Variants in PCDH10 observed in about 807,000 individuals in gnomAD.
PCDH10 encodes protocadherin-10.
Under a neutral mutation model 74.4 loss-of-function variants are expected in PCDH10, and 15 were observed. That is an observed-to-expected ratio of 0.20 (90% CI 0.13 to 0.31). The LOEUF (loss-of-function observed/expected upper bound fraction) is 0.31. Ranked by LOEUF, PCDH10 falls within the 10% of genes least tolerant of loss-of-function variation. PCDH10 has a pLI of 1.00. For missense variants in PCDH10, 1,260 were observed against 1,390.2 expected, an observed-to-expected ratio of 0.91 and a Z score of 1.49; for synonymous variants, 619 against 589.8, an observed-to-expected ratio of 1.05 and a Z score of -0.72.
chr4:133,152,678 G>C lies in PCDH10; in HGVS notation c.2538G>C (p.Thr846=), dbSNP rs777721022. ...FLKPCSPSRS[T]DTEHNPCGAI... ...AGCCCTGCAGCCCTTCGCGGAGTAC[G>C]GACACTGAGCACAACCCCTGCGGGG... Residue 846 remains threonine, a synonymous_variant, in exon 1 of 5, where the codon ACG becomes ACC. Transcript: ENST00000264360. 1.2e-6 allele frequency: 2 copies of C among 1,614,146 alleles called. No individual in the cohort carries two copies. The highest frequency in any genetic ancestry group is 1.6e-4 in the Middle Eastern group (1 of 6,062).
At chr4:133,203,529 C>G (rs1005960173) in intron 2 of PCDH10, among the ~76,000 whole-genome samples, 36 of 152,096 alleles carry the variant, frequency 2.4e-4, no homozygotes, top group African/African-American at 7.7e-4. Context: ...AGCTGAGAAT[C>G]ATGATCTTTG....
chr4:133,198,576 T>G (rs981996922), downstream of PCDH10, among the ~76,000 whole-genome samples: 1 of 152,204 alleles, frequency 6.6e-6, no homozygotes, highest in East Asian at 1.9e-4. Flanking sequence ...TGGCCTCACA[T>G]GACAGTGTTT....
Position 133,155,037 on chromosome 4 carries a change from A to G in PCDH10, c.2797+14A>G, listed in dbSNP as rs753628869. On this transcript the variant is annotated intron_variant, in intron 3 of 4. Coordinates refer to ENST00000264360, the MANE Select transcript of PCDH10 (RefSeq NM_032961.3). ...CCCAGTCAGCTGGTAAGTGTGATCA[A>G]AGGGCAATCTAAATGCTAACTTTTA... The G allele has an allele frequency of 1.2e-5, 18 of 1,501,510 alleles. No individual in the cohort carries two copies. The Admixed American group carries it at 2.8e-4, about 24-fold the overall frequency. 93.0% of individuals were successfully genotyped at this position (1,501,510 alleles called of 1,614,324 possible). A position where few individuals can be genotyped will look rare whatever the true frequency, so the allele number is the denominator to read the frequency against.
In PCDH10 at chr4:133,152,243, C is replaced by G; in HGVS notation, c.2103C>G (p.Arg701=). 6.2e-7 allele frequency: 1 copy of G among 1,610,410 alleles called. No homozygotes were observed. Among genetic ancestry groups the G allele is most frequent in the Non-Finnish European group, 8.5e-7 (1 of 1,178,184 alleles). ...SGGGGSGEHQ[R]PSRSGGGETS... ...GCGGAGGGTCAGGAGAGCACCAGCG[C>G]CCCAGTCGCTCTGGCGGCGGGGAAA... Residue 701 remains arginine (R), a synonymous_variant, in exon 1 of 5, where the codon CGC becomes CGG. Transcript: ENST00000264360.
intron 3 of PCDH10, among the ~76,000 whole-genome samples, chr4:133,157,685 T>C (rs1726893973): frequency 6.6e-6 from 1 of 152,226 alleles, no homozygotes; most frequent in Non-Finnish European, 1.5e-5. Flanking sequence ...TTTAGCTTAG[T>C]GCTTCACCTG....
In PCDH10 at chr4:133,192,445, A is replaced by C; in HGVS notation, c.*2285A>C. The C allele has an allele frequency of 6.6e-6, 1 of 151,628 alleles. No individual in the cohort carries two copies. Among genetic ancestry groups the C allele is most frequent in the East Asian group, 1.9e-4 (1 of 5,188 alleles). The allele number at this position is 151,628 out of a possible 1,614,324, so 9.4% of individuals were successfully genotyped here. Reference sequence around the variant, plus strand: ...CTTCCTTACTGCATGCATTGAAAATAAGATTATACTCACTTCATGTATAGT... The same window carrying C: ...CTTCCTTACTGCATGCATTGAAAATCAGATTATACTCACTTCATGTATAGT... On this transcript the variant is annotated 3_prime_UTR_variant, in exon 5 of 5. Transcript: ENST00000264360.
chr4:133,207,263 A>G (rs1449420721), intron 2 of PCDH10, among the ~76,000 whole-genome samples: 1 of 152,122 alleles, frequency 6.6e-6, no homozygotes, highest in Non-Finnish European at 1.5e-5. Context: ...TGGTCATTGC[A>G]TTGGTTTATT....
downstream of PCDH10, among the ~76,000 whole-genome samples, chr4:133,199,096 A>G (rs1322983222): frequency 6.6e-6 from 1 of 151,838 alleles, no homozygotes; most frequent in Non-Finnish European, 1.5e-5. Context: ...AGCCTGGGTA[A>G]CATGGAGAGA....
intron 4 of PCDH10, among the ~76,000 whole-genome samples, chr4:133,172,389 A>T (rs975097535): frequency 2.0e-5 from 3 of 152,044 alleles, no homozygotes; most frequent in African/African-American, 7.2e-5. Flanking sequence ...TTCATGACTG[A>T]AATCAGCTTT....
In PCDH10 at chr4:133,192,610, T is replaced by C. The variant is rs2125874779; in HGVS notation, c.*2450T>C. 1 of 151,722 alleles carries C rather than the reference T, an allele frequency of 6.6e-6. No individual in the cohort carries two copies. The highest frequency in any genetic ancestry group is 1.9e-4 in the East Asian group (1 of 5,180). The allele number at this position is 151,722 out of a possible 1,614,324, so 9.4% of individuals were successfully genotyped here. A position where few individuals can be genotyped will look rare whatever the true frequency, so the allele number is the denominator to read the frequency against. On this transcript the variant is annotated 3_prime_UTR_variant, in exon 5 of 5. Coordinates refer to ENST00000264360, the MANE Select transcript of PCDH10 (RefSeq NM_032961.3). ...TTTCATATATCCTAGGAACTAGTTA[T>C]ACTAACTTACATTTTAGTTATCATC... is the stretch of plus-strand genomic sequence containing the variant.
chr4:133,169,530 A>G (rs1179111315), intron 4 of PCDH10, among the ~76,000 whole-genome samples: 3 of 151,846 alleles, frequency 2.0e-5, no homozygotes, highest in Admixed American at 6.6e-5. Flanking sequence ...TTTATATTAC[A>G]TATCGTTTTC....
chr4:133,177,000 C>T (rs1727309018), intron 4 of PCDH10, among the ~76,000 whole-genome samples: 1 of 151,912 alleles, frequency 6.6e-6, no homozygotes. Flanking sequence ...TAATGAAAAT[C>T]AATGTCCATA....
chr4:133,159,890 C>T (rs2125861941), intron 3 of PCDH10, among the ~76,000 whole-genome samples: 1 of 152,002 alleles, frequency 6.6e-6, no homozygotes, highest in Non-Finnish European at 1.5e-5. Flanking sequence ...CATCCCTGTG[C>T]ATCATAAAGT....
chr4:133,164,883 A>G (rs1193517516), intron 4 of PCDH10, among the ~76,000 whole-genome samples: 2 of 150,294 alleles, frequency 1.3e-5, no homozygotes, highest in Admixed American at 1.3e-4. Flanking sequence ...GTTGCTAAAA[A>G]TCAAAAGAAT....
Position 133,152,523 on chromosome 4 carries a change from G to T in PCDH10, c.2383G>T (p.Val795Leu). The part of the protein sequence containing the change: ...SDIMLVQSSN[V>L]PSNPAQVPIE... Reference sequence around the variant, plus strand: ...CATCATGCTGGTGCAGAGCTCCAATGTACCCAGTAACCCGGCCCAGGTGCC... The same window carrying T: ...CATCATGCTGGTGCAGAGCTCCAATTTACCCAGTAACCCGGCCCAGGTGCC... Residue 795 changes from valine to leucine, a missense_variant, in exon 1 of 5, where the codon GTA becomes TTA. Val to Leu is a conservative substitution (Grantham distance 32). This residue lies in a region of PCDH10 where 587 missense variants were observed against 616.9 expected (regional missense o/e 0.95). Transcript: ENST00000264360. The T allele has an allele frequency of 6.2e-7, 1 of 1,614,134 alleles. No individual in the cohort carries two copies. Among genetic ancestry groups the T allele is most frequent in the Non-Finnish European group, 8.5e-7 (1 of 1,180,000 alleles).
intron 2 of PCDH10, among the ~76,000 whole-genome samples, chr4:133,201,302 C>T (rs1014908345): frequency 1.3e-5 from 2 of 152,130 alleles, no homozygotes; most frequent in South Asian, 2.1e-4. Flanking sequence ...CTATTCACCC[C>T]ATCGAAGGAG....
At position 133,163,248 on chromosome 4, in the gene PCDH10, T is replaced by C. The variant is rs1727008868; in HGVS notation, c.3069T>C (p.Thr1023=). 1 of 1,613,816 alleles carries C rather than the reference T, an allele frequency of 6.2e-7. No individual in the cohort carries two copies. Among genetic ancestry groups the C allele is most frequent in the Non-Finnish European group, 8.5e-7 (1 of 1,179,900 alleles). The change falls in exon 4 of 5, where the codon ACT becomes ACC. Residue 1023 remains threonine (T), a synonymous_variant. Transcript: ENST00000264360. ...LERKELDGLL[T]NTRAPYKPPY... ...GGAAGGAGCTGGATGGACTGCTGAC[T>C]AATACGCGAGCGCCTTACAAACCAC...
intron 2 of PCDH10, among the ~76,000 whole-genome samples, chr4:133,203,938 A>G (rs1727953745): frequency 6.6e-6 from 1 of 152,166 alleles, no homozygotes; most frequent in Non-Finnish European, 1.5e-5. Context: ...GCATGCTGGT[A>G]AACAGCAACA....
Position 133,150,444 on chromosome 4 carries a change from C to A in PCDH10, c.304C>A (p.Pro102Thr). ...GCACCTGGAGGTCTTTCTGGAGAAC[C>A]CCCTGGAGCTGTTCCAGGTGGAGAT... ...VLHLEVFLENPLELFQVEIEV... is the reference protein window; with the variant it reads ...VLHLEVFLENTLELFQVEIEV... Residue 102 changes from proline to threonine, a missense_variant, in exon 1 of 5, where the codon CCC becomes ACC. Pro to Thr is a conservative substitution (Grantham distance 38). Transcript: ENST00000264360. 1 of 1,614,000 alleles carries A rather than the reference C, an allele frequency of 6.2e-7. No homozygotes were observed. Among genetic ancestry groups the A allele is most frequent in the Non-Finnish European group, 8.5e-7 (1 of 1,180,000 alleles).
Sources: gnomAD v4.1 joint callset for allele counts (sites outside exome capture counted in the v4.1 genomes callset) on GRCh38, gnomAD v4.1.1 for gene constraint, gnomAD v4.1.1 regional missense constraint, MANE v1.5 for transcripts, NCBI Gene and HGNC (gene_info 2026-07-23, HGNC 2026-07-21) for gene names.